PCDHGA6: variants seen among roughly 807,000 people sequenced by gnomAD.
PCDHGA6 encodes the protein protocadherin gamma subfamily A, 6, also known as protocadherin gamma-A6.
A neutral mutation model predicts 60.6 loss-of-function variants in PCDHGA6; 41 were observed. That is an observed-to-expected ratio of 0.68 (90% CI 0.53 to 0.88). The LOEUF (loss-of-function observed/expected upper bound fraction) is 0.88, where lower values mean the gene tolerates loss of function less well. Ranked by LOEUF, PCDHGA6 falls within the 40% of genes least tolerant of loss-of-function variation. The pLI is 0.00. For missense variants in PCDHGA6, 1,312 were observed against 1,203.0 expected (o/e 1.09, Z -1.34); for synonymous variants, 594 against 524.4 (o/e 1.13, Z -1.81).
At chr5:141,394,282 C>G (rs375429182) in intron 1 of PCDHGA6, 11 of 1,613,864 alleles carry the variant, frequency 6.8e-6, no homozygotes, top group Non-Finnish European at 8.5e-6. Flanking sequence ...GTCACTTACT[C>G]TGTGACCGAG....
At chr5:141,414,502 A>G in intron 1 of PCDHGA6, 1 of 1,613,944 alleles carries the variant, frequency 6.2e-7, no homozygotes, top group South Asian at 1.1e-5. Flanking sequence ...AGCTCACTTT[A>G]TGCTACAAGT....
At chr5:141,385,566 C>T in intron 1 of PCDHGA6, 1 of 1,303,468 alleles carries the variant, frequency 7.7e-7, no homozygotes, top group Non-Finnish European at 9.7e-7. Context: ...TAATTTCCAC[C>T]TACTTTCCAA....
intron 1 of PCDHGA6, chr5:141,378,992 A>G (rs1300045216): frequency 6.6e-6 from 1 of 152,246 alleles, no homozygotes; most frequent in Non-Finnish European, 1.5e-5. Flanking sequence ...ACTACATTAT[A>G]GTCAAGATTT....
intron 1 of PCDHGA6, among the ~76,000 whole-genome samples, chr5:141,436,181 T>A (rs1050736907): frequency 1.3e-5 from 2 of 152,092 alleles, no homozygotes; most frequent in African/African-American, 4.8e-5. Context: ...TCATATATAG[T>A]CAAATAGAAA....
chr5:141,423,119 G>A (rs769320490), intron 1 of PCDHGA6: 1 of 1,613,774 alleles, frequency 6.2e-7, no homozygotes, highest in South Asian at 1.1e-5. Context: ...CGTACAGCGC[G>A]GGCACTGCTG....
At position 141,509,122 on chromosome 5, in the gene PCDHGA6, G is replaced by A. The variant is rs2099875312; in HGVS notation, c.2573-1825G>A. 2.0e-5 allele frequency among the ~76,000 whole-genome samples: 3 copies of A among 152,154 alleles called. No homozygotes were observed. In the South Asian group the frequency reaches 6.2e-4, roughly 32 times the overall value. The stretch of plus-strand genomic sequence containing the variant: ...AGAAACCTGAGCGCTGGTGCGTGAA[G>A]AGAAAAACCGAGGCGCATCCCGGCT... On this transcript the variant is annotated intron_variant, in intron 3 of 3. Transcript: ENST00000517434.
intron 1 of PCDHGA6, chr5:141,388,238 C>G (rs546808390): frequency 3.7e-6 from 6 of 1,607,696 alleles, no homozygotes; most frequent in Non-Finnish European, 5.1e-6. Context: ...ACTTTTATCA[C>G]GTGAATGTGG....
chr5:141,398,975 G>A, intron 1 of PCDHGA6: 2 of 1,613,926 alleles, frequency 1.2e-6, no homozygotes, highest in Middle Eastern at 1.6e-4. Context: ...TCCTTCTACA[G>A]AACCGGGCAA....
intron 1 of PCDHGA6, chr5:141,419,208 C>T: frequency 6.2e-7 from 1 of 1,613,966 alleles, no homozygotes; most frequent in Non-Finnish European, 8.5e-7. Flanking sequence ...GACAACGCGC[C>T]GGTTTTCGGA....
At chr5:141,457,791 A>G (rs554446263) in intron 1 of PCDHGA6, among the ~76,000 whole-genome samples, 1 of 152,318 alleles carries the variant, frequency 6.6e-6, no homozygotes, top group South Asian at 2.1e-4. Flanking sequence ...GAGTTGGGTT[A>G]TCCTCTCCTC....
intron 1 of PCDHGA6, chr5:141,419,543 G>A (rs573594140): frequency 2.5e-5 from 40 of 1,612,106 alleles, no homozygotes; most frequent in African/African-American, 2.0e-4. Context: ...CGCACCGCGG[G>A]TGCTGTACCC....
rs779694385 is a variant in PCDHGA6 at position 141,374,945 on chromosome 5, A to T, written c.862A>T (p.Ile288Phe). Residue 288 changes from isoleucine (I) to phenylalanine (F), a missense_variant, in exon 1 of 4, where the codon ATC becomes TTC. By Grantham distance (21) the Ile-to-Phe change is conservative. Transcript: ENST00000517434. ...TTCCTTTGTGAAGATTACAGAAAAG[A>T]TCTCACAAATTTTCTGTTTGAATGT... ...TYSFVKITEK[I>F]SQIFCLNVLT... is the part of the protein sequence containing the mutation. 1 of 1,614,034 alleles carries T rather than the reference A, an allele frequency of 6.2e-7. No individual in the cohort carries two copies. Among genetic ancestry groups the T allele is most frequent in the Non-Finnish European group, 8.5e-7 (1 of 1,179,906 alleles).
chr5:141,463,438 CTTTTTTTTTTT>C (rs71576115), intron 1 of PCDHGA6, among the ~76,000 whole-genome samples: 7 of 103,256 alleles, frequency 6.8e-5, no homozygotes, highest in African/African-American at 1.8e-4. Flanking sequence ...TTTCCTTCTC[CTTTTTTTTTTT>C]TTTTTTTTTT....
intron 1 of PCDHGA6, chr5:141,422,174 A>G (rs763681065): frequency 5.1e-6 from 8 of 1,564,176 alleles, no homozygotes; most frequent in African/African-American, 2.8e-5. Flanking sequence ...TATAGATTCT[A>G]TGAGATGGAA....
intron 3 of PCDHGA6, among the ~76,000 whole-genome samples, chr5:141,506,564 G>A (rs984395438): frequency 5.3e-5 from 8 of 152,016 alleles, no homozygotes; most frequent in East Asian, 1.9e-4. Context: ...AAACCCCCTC[G>A]GTTTCACTTA....
Position 141,422,492 on chromosome 5 carries a change from C to T in PCDHGA6, c.2424+45985C>T, listed in dbSNP as rs747903569. 2.5e-6 allele frequency: 4 copies of T among 1,613,934 alleles called. No homozygotes were observed. The East Asian group carries it at 6.7e-5, about 27-fold the overall frequency. ...GAGTTGGTCCAGAGCTACAATATAA[C>T]GTTGACAGCCACAGACCAGGGAAGC... On this transcript the variant is annotated intron_variant, in intron 1 of 3. Coordinates refer to ENST00000517434, the MANE Select transcript of PCDHGA6 (RefSeq NM_018919.3).
chr5:141,410,103 A>G, intron 1 of PCDHGA6: 1 of 1,612,622 alleles, frequency 6.2e-7, no homozygotes, highest in South Asian at 1.1e-5. Flanking sequence ...GCCTTAGGCG[A>G]CAGGGACGCA....
At chr5:141,458,319 T>C (rs2879229) in intron 1 of PCDHGA6, among the ~76,000 whole-genome samples, 84,591 of 151,864 alleles carry the variant, frequency 0.56, 26,265 homozygotes, top group African/African-American at 0.85. Flanking sequence ...CACAGACACA[T>C]GTGGAGTGGT....
At chr5:141,409,047 G>T in intron 1 of PCDHGA6, 2 of 1,613,982 alleles carry the variant, frequency 1.2e-6, no homozygotes, top group Admixed American at 1.7e-5. Flanking sequence ...TACTACTTCC[G>T]AAGCACTGCC....
Sources: gnomAD v4.1 joint callset for allele counts (sites outside exome capture counted in the v4.1 genomes callset) on GRCh38, gnomAD v4.1.1 for gene constraint, MANE v1.5 for transcripts, NCBI Gene and HGNC (gene_info 2026-07-23, HGNC 2026-07-21) for gene names.